The following CLASP1 variants were observed in gnomAD, a reference collection of about 807,000 sequenced individuals.
The protein encoded by CLASP1 is CLIP-associating protein 1.
A neutral mutation model predicts 192.3 loss-of-function variants in CLASP1; 38 were observed. That is an observed-to-expected ratio of 0.20 (90% CI 0.15 to 0.26). The LOEUF is 0.26. CLASP1 is among the 10% of genes least tolerant of loss of function. CLASP1 has a pLI of 1.00. For synonymous variants in CLASP1, 691 were observed against 712.8 expected, an observed-to-expected ratio of 0.97 and a Z score of 0.49; for missense variants, 1,433 against 1,932.5, an observed-to-expected ratio of 0.74 and a Z score of 4.85.
At chr2:121,558,944 T>C (rs2058826046) in intron 2 of CLASP1, among the ~76,000 whole-genome samples, 1 of 152,132 alleles carries the variant, frequency 6.6e-6, no homozygotes, top group Non-Finnish European at 1.5e-5. Flanking sequence ...CTGGGAACCT[T>C]AAGAATATTT....
intron 34 of CLASP1, among the ~76,000 whole-genome samples, chr2:121,374,394 G>A (rs2069489138): frequency 6.6e-6 from 1 of 152,230 alleles, no homozygotes; most frequent in South Asian, 2.1e-4. Flanking sequence ...AGCCCTCATG[G>A]AGAACCTCTA....
At chr2:121,627,509 C>G (rs960773404) in intron 1 of CLASP1, among the ~76,000 whole-genome samples, 2 of 152,242 alleles carry the variant, frequency 1.3e-5, no homozygotes, top group Non-Finnish European at 2.9e-5. Flanking sequence ...TTTCCAATTC[C>G]TTAGGAAACA....
intron 34 of CLASP1, among the ~76,000 whole-genome samples, chr2:121,376,381 A>G (rs923682306): frequency 6.6e-6 from 1 of 152,192 alleles, no homozygotes; most frequent in Admixed American, 6.5e-5. Flanking sequence ...TCACAGCAAC[A>G]TGGATGAACT....
intron 38 of CLASP1, among the ~76,000 whole-genome samples, chr2:121,347,481 A>G (rs1035877416): frequency 6.6e-6 from 1 of 152,220 alleles, no homozygotes; most frequent in African/African-American, 2.4e-5. Flanking sequence ...GAGAAAAGGA[A>G]ATGAAGGGGA....
chr2:121,507,467 T>C (rs1020196041), intron 7 of CLASP1, among the ~76,000 whole-genome samples: 2 of 152,106 alleles, frequency 1.3e-5, no homozygotes, highest in Non-Finnish European at 2.9e-5. Context: ...TGTACCAACA[T>C]AGTCACATAA....
intron 19 of CLASP1, among the ~76,000 whole-genome samples, chr2:121,441,194 G>T (rs113988199): frequency 6.6e-6 from 1 of 152,136 alleles, no homozygotes; most frequent in Non-Finnish European, 1.5e-5. Context: ...TGTTCCCTAC[G>T]TGTTTCAAAT....
intron 7 of CLASP1, among the ~76,000 whole-genome samples, chr2:121,506,757 C>A (rs1391539592): frequency 6.6e-6 from 1 of 152,128 alleles, no homozygotes; most frequent in Non-Finnish European, 1.5e-5. Context: ...CAGAGCCAGT[C>A]AGTAGAGGCT....
chr2:121,610,621 C>G (rs1245872219), intron 1 of CLASP1, among the ~76,000 whole-genome samples: 1 of 66,046 alleles, frequency 1.5e-5, no homozygotes, highest in African/African-American at 1.1e-4. Flanking sequence ...GGAAGAGGAA[C>G]TGGAGGAGGA....
chr2:121,458,948 C>T (rs1229546209), exon 13 of CLASP1: 13 of 1,612,456 alleles, frequency 8.1e-6, no homozygotes, highest in Non-Finnish European at 1.1e-5. Flanking sequence ...CATGGTCAAA[C>T]TTATTCCCCA....
At position 121,542,335 on chromosome 2, in the gene CLASP1, T is replaced by A. The variant is rs1575822160; in HGVS notation, c.196-12010A>T. The stretch of plus-strand genomic sequence containing the variant: ...ACTGTTAGCTCTGTTTTTAATGTAA[T>A]GCACTAGGTGCTGCTTTAAAAACAG... On this transcript the variant is annotated intron_variant, in intron 2 of 39. Coordinates refer to ENST00000263710, the Ensembl canonical transcript of CLASP1. Among the ~76,000 whole-genome samples, 2 of 152,236 alleles carry A rather than the reference T, an allele frequency of 1.3e-5. 1 individual carries two copies. Among genetic ancestry groups the A allele is most frequent in the South Asian group, 4.1e-4 (2 of 4,834 alleles).
chr2:121,619,474 G>C (rs1246096297), intron 1 of CLASP1, among the ~76,000 whole-genome samples: 5 of 152,120 alleles, frequency 3.3e-5, no homozygotes, highest in African/African-American at 1.2e-4. Flanking sequence ...TGGCAGATCA[G>C]TTATTTCCAC....
intron 30 of CLASP1, among the ~76,000 whole-genome samples, chr2:121,390,898 T>G (rs1482954056): frequency 1.3e-5 from 2 of 152,136 alleles, no homozygotes. Context: ...ATAATCACCG[T>G]GCACTGCAGC....
intron 2 of CLASP1, among the ~76,000 whole-genome samples, chr2:121,537,931 T>A (rs777057122): frequency 2.6e-5 from 4 of 152,200 alleles, no homozygotes; most frequent in Non-Finnish European, 4.4e-5. Context: ...CTTAGCAGAT[T>A]AGGAAGAGAA....
intron 6 of CLASP1, among the ~76,000 whole-genome samples, chr2:121,521,713 T>C (rs1559505255): frequency 6.6e-6 from 1 of 152,122 alleles, no homozygotes; most frequent in Non-Finnish European, 1.5e-5. Context: ...AAACACCAAA[T>C]CCAGTCTTTG....
intron 25 of CLASP1, among the ~76,000 whole-genome samples, chr2:121,405,331 A>G (rs1040001215): frequency 1.6e-4 from 25 of 152,186 alleles, no homozygotes; most frequent in African/African-American, 6.0e-4. Flanking sequence ...AATAAAATAA[A>G]TAAGTACTCT....
intron 2 of CLASP1, chr2:121,530,790 A>T: frequency 1.7e-6 from 1 of 593,016 alleles, no homozygotes; most frequent in Non-Finnish European, 3.1e-6. Flanking sequence ...GCTAGCTACC[A>T]GACCGACTAG....
chr2:121,495,704 T>A (rs2093504490), intron 8 of CLASP1, among the ~76,000 whole-genome samples: 1 of 152,150 alleles, frequency 6.6e-6, no homozygotes, highest in African/African-American at 2.4e-5. Context: ...AAATAATACA[T>A]TAAATTTTAA....
chr2:121,617,635 G>A lies in CLASP1; in HGVS notation c.-285-11455C>T, dbSNP rs191836522. 4.4e-3 allele frequency among the ~76,000 whole-genome samples: 671 copies of A among 152,244 alleles called. 15 individuals carry two copies. Among genetic ancestry groups the A allele is most frequent in the Middle Eastern group, 3.4e-3 (1 of 294 alleles). On this transcript the variant is annotated intron_variant, in intron 1 of 39. Coordinates refer to ENST00000263710, the Ensembl canonical transcript of CLASP1. Reference sequence around the variant, plus strand: ...CACCACTCAGCAGCAATCCAAAGTCGATCGCCCCTTCCTTCTTCAAAAATT... The same window carrying A: ...CACCACTCAGCAGCAATCCAAAGTCAATCGCCCCTTCCTTCTTCAAAAATT...
intron 2 of CLASP1, 65 bp from the exon 3 acceptor site, chr2:121,530,390 G>T: frequency 1.5e-6 from 2 of 1,316,128 alleles, no homozygotes; most frequent in Non-Finnish European, 2.1e-6. Flanking sequence ...CCGCCCACCC[G>T]CTCCGGGGAG....
Sources: gnomAD v4.1 joint callset for allele counts (sites outside exome capture counted in the v4.1 genomes callset) on GRCh38, gnomAD v4.1.1 for gene constraint, MANE v1.5 for transcripts, NCBI Gene and HGNC (gene_info 2026-07-23, HGNC 2026-07-21) for gene names.